MGMT: variants seen among roughly 807,000 people sequenced by gnomAD.
MGMT encodes the protein methylated-DNA--protein-cysteine methyltransferase.
In MGMT, 14 loss-of-function variants were observed where a neutral mutation model predicts 15.9. The observed-to-expected ratio is 0.88, with a 90% CI of 0.58 to 1.37. The LOEUF (loss-of-function observed/expected upper bound fraction) is 1.37, where lower values mean the gene tolerates loss of function less well. Ranked by LOEUF, MGMT falls within the 40% of genes most tolerant of loss-of-function variation. MGMT has a pLI of 0.00. For synonymous variants in MGMT, 130 were observed against 118.2 expected (o/e 1.10, Z -0.65); for missense variants, 282 against 268.1 (o/e 1.05, Z -0.36).
chr10:129,514,653 T>TG (rs140904623), intron 1 of MGMT, among the ~76,000 whole-genome samples: 109 of 152,038 alleles, frequency 7.2e-4, no homozygotes, highest in African/African-American at 2.4e-3. Context: ...TTGGGGCCTT[T>TG]GGGGGGAGAT....
chr10:129,687,849 C>CT (rs1564761619), intron 2 of MGMT, among the ~76,000 whole-genome samples: 1 of 151,716 alleles, frequency 6.6e-6, no homozygotes, highest in Non-Finnish European at 1.5e-5. Context: ...CCTCCCCCAG[C>CT]CCCCCACCCC....
intron 2 of MGMT, among the ~76,000 whole-genome samples, chr10:129,643,895 C>T (rs1021210627): frequency 1.3e-5 from 2 of 152,164 alleles, no homozygotes; most frequent in Non-Finnish European, 2.9e-5. Flanking sequence ...ATGATGGTAA[C>T]CTGGCTTGAG....
At chr10:129,741,330 G>A (rs1048222891) in intron 3 of MGMT, among the ~76,000 whole-genome samples, 3 of 152,148 alleles carry the variant, frequency 2.0e-5, no homozygotes, top group African/African-American at 4.8e-5. Context: ...TCCCTAAAAG[G>A]TTACATTGAA....
At chr10:129,569,068 G>A (rs1378877621) in intron 2 of MGMT, among the ~76,000 whole-genome samples, 4 of 152,210 alleles carry the variant, frequency 2.6e-5, no homozygotes, top group Admixed American at 6.5e-5. Flanking sequence ...GAGATGATGG[G>A]CTTTAGCGTC....
At chr10:129,611,510 C>G (rs919687415) in intron 2 of MGMT, among the ~76,000 whole-genome samples, 6 of 152,218 alleles carry the variant, frequency 3.9e-5, no homozygotes, top group African/African-American at 1.2e-4. Flanking sequence ...AGTCAACATG[C>G]AGTTTGGGTG....
intron 2 of MGMT, among the ~76,000 whole-genome samples, chr10:129,642,895 G>A (rs1046866105): frequency 1.3e-5 from 2 of 151,616 alleles, no homozygotes; most frequent in South Asian, 4.2e-4. Context: ...TCCCACCAAG[G>A]CATTCCAGCC....
At chr10:129,654,272 C>T (rs892968298) in intron 2 of MGMT, among the ~76,000 whole-genome samples, 2 of 152,056 alleles carry the variant, frequency 1.3e-5, no homozygotes, top group African/African-American at 4.8e-5. Flanking sequence ...TGGGGAAGGG[C>T]GAGGATGGAA....
chr10:129,564,715 C>CTCCTGCCCTTCTTTTCCTCTGTCT (rs1846333283), intron 2 of MGMT, among the ~76,000 whole-genome samples: 1 of 109,688 alleles, frequency 9.1e-6, no homozygotes, highest in Non-Finnish European at 2.0e-5. Flanking sequence ...CTTCCTCCTC[C>CTCCTGCCCTTCTTTTCCTCTGTCT]TCCTGCCCTT....
At chr10:129,733,341 C>T (rs1209776572) in intron 3 of MGMT, among the ~76,000 whole-genome samples, 1 of 152,018 alleles carries the variant, frequency 6.6e-6, no homozygotes, top group Non-Finnish European at 1.5e-5. Context: ...TGTTTTTTGG[C>T]TGCATAAATG....
At chr10:129,577,695 T>C (rs1348440698) in intron 2 of MGMT, among the ~76,000 whole-genome samples, 3 of 152,144 alleles carry the variant, frequency 2.0e-5, no homozygotes, top group Non-Finnish European at 4.4e-5. Flanking sequence ...TGGGATCTAA[T>C]TAAACTAAAG....
At chr10:129,512,098 TG>T (rs1390528298) in intron 1 of MGMT, among the ~76,000 whole-genome samples, 1 of 152,094 alleles carries the variant, frequency 6.6e-6, no homozygotes, top group East Asian at 1.9e-4. Context: ...ATGCTGGAGA[TG>T]GGGGGCGCAG....
chr10:129,521,746 C>T (rs1178148093), intron 1 of MGMT, among the ~76,000 whole-genome samples: 2 of 152,208 alleles, frequency 1.3e-5, no homozygotes, highest in African/African-American at 2.4e-5. Context: ...GTGCTGTCCA[C>T]CCCAGGCCCA....
chr10:129,638,712 C>T (rs1161200643), intron 2 of MGMT, among the ~76,000 whole-genome samples: 4 of 152,078 alleles, frequency 2.6e-5, no homozygotes, highest in African/African-American at 9.7e-5. Context: ...ACTATTCTCA[C>T]AAGGCCTCAA....
chr10:129,753,468 T>C (rs554336153), intron 3 of MGMT, among the ~76,000 whole-genome samples: 37 of 152,358 alleles, frequency 2.4e-4, no homozygotes, highest in African/African-American at 8.4e-4. Context: ...ATAGATCTGT[T>C]GACCTTGTCT....
intron 2 of MGMT, among the ~76,000 whole-genome samples, chr10:129,655,305 C>T (rs1233078727): frequency 6.6e-6 from 1 of 152,174 alleles, no homozygotes; most frequent in Admixed American, 6.5e-5. Context: ...GGGCCGCCTC[C>T]GAGCATGCGG....
At chr10:129,544,391 G>A (rs1846077281) in intron 2 of MGMT, among the ~76,000 whole-genome samples, 2 of 152,254 alleles carry the variant, frequency 1.3e-5, no homozygotes, top group African/African-American at 4.8e-5. Context: ...GTTGTCTTCA[G>A]ACTGCGGCTT....
rs189249786 is a variant in MGMT, at chr10:129,681,467, G to T, written c.126-26428G>T. 5.9e-5 allele frequency among the ~76,000 whole-genome samples: 9 copies of T among 152,252 alleles called. No homozygotes were observed. The East Asian group carries it at 1.7e-3, about 29-fold the overall frequency. ...GAGAGATCACTCATCCTGGAAACTT[G>T]TCAGAGCAGGAGAATTCCAGAAGGA... On this transcript the variant is annotated intron_variant, in intron 2 of 4. Coordinates refer to ENST00000651593, the MANE Select transcript of MGMT (RefSeq NM_002412.5).
At chr10:129,744,337 C>T (rs1328723138) in intron 3 of MGMT, among the ~76,000 whole-genome samples, 1 of 152,246 alleles carries the variant, frequency 6.6e-6, no homozygotes, top group Non-Finnish European at 1.5e-5. Context: ...CTATGAGCTC[C>T]ATGGCATACA....
chr10:129,528,275 T>C (rs1289480813), intron 1 of MGMT, among the ~76,000 whole-genome samples: 1 of 152,122 alleles, frequency 6.6e-6, no homozygotes, highest in African/African-American at 2.4e-5. Flanking sequence ...CCAACGTTCC[T>C]GTTCTCACAC....
Sources: allele counts gnomAD v4.1 joint callset (sites outside exome capture counted in the v4.1 genomes callset), GRCh38; gene constraint gnomAD v4.1.1; transcripts MANE v1.5; gene names NCBI Gene and HGNC (gene_info 2026-07-23, HGNC 2026-07-21).